The following MIER3 variants were observed in gnomAD, a reference collection of about 807,000 sequenced individuals.
MIER3 encodes mesoderm induction early response protein 3.
MIER3 carries 9 observed loss-of-function variants against 63.2 expected under a neutral mutation model. That is an observed-to-expected ratio of 0.14 (90% CI 0.09 to 0.25). MIER3 has a LOEUF of 0.25. Among genes scored for constraint, MIER3 ranks in the 10% least tolerant of loss-of-function variants. The probability of loss-of-function intolerance (pLI) is 1.00; values close to 1 mark genes in which losing one functional copy is unlikely to be tolerated. For synonymous variants in MIER3, 205 were observed against 224.9 expected (o/e 0.91, Z 0.79); for missense variants, 512 against 666.2 (o/e 0.77, Z 2.55).
intron 1 of MIER3, among the ~76,000 whole-genome samples, chr5:56,951,526 C>T (rs1266739632): frequency 6.6e-6 from 1 of 152,164 alleles, no homozygotes; most frequent in African/African-American, 2.4e-5. Context: ...TGGGGAGTCC[C>T]GCTCTTCTGA....
At chr5:56,929,003 A>T in intron 9 of MIER3, 142 bp from the exon 10 acceptor site, 1 of 554,786 alleles carries the variant, frequency 1.8e-6, no homozygotes, top group Non-Finnish European at 3.2e-6. Flanking sequence ...ACACACACAC[A>T]CACTCTCTCT....
At chr5:56,934,231 G>T (rs1051798228) in intron 7 of MIER3, among the ~76,000 whole-genome samples, 3 of 151,924 alleles carry the variant, frequency 2.0e-5, no homozygotes, top group African/African-American at 4.8e-5. Context: ...CATGATAAGG[G>T]CATTATCATC....
intron 2 of MIER3, among the ~76,000 whole-genome samples, chr5:56,950,072 C>T (rs1327518837): frequency 1.3e-5 from 2 of 152,172 alleles, no homozygotes; most frequent in Non-Finnish European, 2.9e-5. Context: ...GACCTAAGAT[C>T]GTCTCAGCTC....
Position 56,923,111 on chromosome 5 carries a change from C to T in MIER3, c.*17G>A, listed in dbSNP as rs200243272. On this transcript the variant is annotated 3_prime_UTR_variant, in exon 13 of 13. Transcript: ENST00000381199. ...TTTACTGGTGCTGCACACGCAGTTC[C>T]GGGATCCTCACTCAGGTCACTCAGA... is the stretch of plus-strand genomic sequence containing the variant. 2.2e-4 allele frequency: 361 copies of T among 1,607,082 alleles called. 2 individuals are homozygous for T. In the South Asian group the frequency reaches 2.9e-3, roughly 13 times the overall value.
intron 1 of MIER3, 86 bp downstream of exon 1, chr5:56,952,008 G>A: frequency 2.7e-6 from 3 of 1,125,542 alleles, no homozygotes; most frequent in African/African-American, 1.7e-5. Flanking sequence ...AAAGAGCCCC[G>A]GATCCCCCAG....
chr5:56,928,878 A>C lies in MIER3; in HGVS notation c.830-17T>G. On this transcript the variant is annotated splice_polypyrimidine_tract_variant and intron_variant, in intron 9 of 12. Coordinates refer to ENST00000381199, the MANE Select transcript of MIER3 (RefSeq NM_001297599.2). The stretch of plus-strand genomic sequence containing the variant: ...TCATTCCTTCTAAGAAAAATTTTAA[A>C]ATAAAATTTATGGGCCCCCAAATTT... 1.9e-6 allele frequency: 3 copies of C among 1,597,530 alleles called. No homozygotes were observed. The highest frequency in any genetic ancestry group is 2.6e-6 in the Non-Finnish European group (3 of 1,169,270).
Position 56,933,234 on chromosome 5 carries a change from A to G in MIER3, c.747+13T>C. 1 of 1,573,558 alleles carries G rather than the reference A, an allele frequency of 6.4e-7. No individual in the cohort carries two copies. The highest frequency in any genetic ancestry group is 2.3e-5 in the East Asian group (1 of 43,054). ...GTAAACTGGCTGCTGTTTCAACAGA[A>G]GCTGAAGTATACCTGTTCATTGTCC... is the stretch of plus-strand genomic sequence containing the variant. On this transcript the variant is annotated intron_variant, in intron 8 of 12. Transcript: ENST00000381199.
chr5:56,923,000 T>C lies in MIER3; in HGVS notation c.*128A>G. 2.9e-6 allele frequency: 2 copies of C among 688,564 alleles called. No individual in the cohort carries two copies. The highest frequency in any genetic ancestry group is 2.4e-6 in the Non-Finnish European group (1 of 410,234). 42.7% of individuals were successfully genotyped at this position (688,564 alleles called of 1,614,324 possible). ...CTCTTGATAAATCAAGATATAGTTC[T>C]ATACATACTGACATCACTGATGTCA... On this transcript the variant is annotated 3_prime_UTR_variant, in exon 13 of 13. Transcript: ENST00000381199.
rs1220853349 is a variant in MIER3, at chr5:56,951,491, C to A, written c.9+603G>T. On this transcript the variant is annotated intron_variant, in intron 1 of 12. Transcript: ENST00000381199. ...TCGGTCTGCCCTTTAACCCCAGGGGCTCCCGCACCTCCCGGGCTGCGGGGT... is the reference window on the plus strand; with the variant it reads ...TCGGTCTGCCCTTTAACCCCAGGGGATCCCGCACCTCCCGGGCTGCGGGGT... 3.9e-5 allele frequency among the ~76,000 whole-genome samples: 6 copies of A among 152,314 alleles called. No homozygotes were observed. In the East Asian group the frequency reaches 1.2e-3, roughly 30 times the overall value.
At chr5:56,937,336 C>G (rs1299870427) in intron 5 of MIER3, among the ~76,000 whole-genome samples, 1 of 152,186 alleles carries the variant, frequency 6.6e-6, no homozygotes. Context: ...CTCGGCCTCC[C>G]AAAGTGCTGG....
Position 56,920,484 on chromosome 5 carries a change from A to G in MIER3, c.*2644T>C, listed in dbSNP as rs1303499060. Reference sequence around the variant, plus strand: ...CAAAAAGAATTTATCACAGTTTGTTATAAGAATTGTGCTTAACACTTGATA... The same window carrying G: ...CAAAAAGAATTTATCACAGTTTGTTGTAAGAATTGTGCTTAACACTTGATA... On this transcript the variant is annotated 3_prime_UTR_variant, in exon 13 of 13. Transcript: ENST00000381199. The G allele has an allele frequency of 6.6e-6, 1 of 152,602 alleles. No individual in the cohort carries two copies. The highest frequency in any genetic ancestry group is 2.4e-5 in the African/African-American group (1 of 41,476). 9.5% of individuals were successfully genotyped at this position (152,602 alleles called of 1,614,324 possible).
At chr5:56,944,916 C>CA (rs1311051160) in intron 3 of MIER3, among the ~76,000 whole-genome samples, 2 of 135,100 alleles carry the variant, frequency 1.5e-5, no homozygotes, top group Non-Finnish European at 3.1e-5. Flanking sequence ...AGGCTGGTCT[C>CA]AGACTCCTGG....
intron 2 of MIER3, 22 bp from the exon 3 acceptor site, chr5:56,947,093 C>A (rs771076549): frequency 1.3e-6 from 2 of 1,591,590 alleles, no homozygotes; most frequent in Non-Finnish European, 1.7e-6. Context: ...CAAACTGAAT[C>A]ACTTTACACA....
chr5:56,935,788 A>G (rs1441771855), intron 5 of MIER3, 37 bp from the exon 6 acceptor site: 24 of 1,503,152 alleles, frequency 1.6e-5, no homozygotes, highest in Non-Finnish European at 2.0e-5. Context: ...TTTACTGCCT[A>G]TTTTTGCAGA....
Position 56,920,312 on chromosome 5 carries a change from A to C in MIER3, c.*2816T>G, listed in dbSNP as rs916748634. ...GTACAACTAACAAATGTATTGCTAT[A>C]ATCACAGCACCAGTTACACTTCTAA... On this transcript the variant is annotated 3_prime_UTR_variant, in exon 13 of 13. Transcript: ENST00000381199. 1.3e-5 allele frequency: 2 copies of C among 152,602 alleles called. No individual in the cohort carries two copies. Among genetic ancestry groups the C allele is most frequent in the Admixed American group, 6.5e-5 (1 of 15,274 alleles). 9.5% of individuals were successfully genotyped at this position (152,602 alleles called of 1,614,324 possible).
chr5:56,952,138 C>T (rs1349274113), upstream of MIER3: 4 of 1,231,820 alleles, frequency 3.2e-6, no homozygotes, highest in Non-Finnish European at 3.1e-6. Flanking sequence ...AGCGCCGAGC[C>T]CAGTCCCCGG....
chr5:56,952,204 A>C, upstream of MIER3: 1 of 1,010,702 alleles, frequency 9.9e-7, no homozygotes. Flanking sequence ...TCCGCCCGGC[A>C]CCCGCCCGGC....
In MIER3 at chr5:56,923,895, G is replaced by A. The variant is rs937329536; in HGVS notation, c.1052+20C>T. 18 of 1,613,886 alleles carry A rather than the reference G, an allele frequency of 1.1e-5. No individual in the cohort carries two copies. The highest frequency in any genetic ancestry group is 1.4e-5 in the Non-Finnish European group (17 of 1,179,974). ...TTACAGTTAAAAGTAAGTCTTTGAA[G>A]GCAAGGCCACAGTACTTACGTAACT... On this transcript the variant is annotated intron_variant, in intron 11 of 12. Transcript: ENST00000381199.
chr5:56,923,708 G>T lies in MIER3; in HGVS notation c.1178C>A (p.Thr393Asn), dbSNP rs1243844088. The T allele has an allele frequency of 6.2e-7, 1 of 1,614,128 alleles. No homozygotes were observed. Among genetic ancestry groups the T allele is most frequent in the African/African-American group, 1.3e-5 (1 of 74,954 alleles). The change falls in exon 12 of 13, where the codon ACT becomes AAT. Residue 393 changes from threonine to asparagine, a missense_variant. This residue lies in a region of MIER3 where 218 missense variants were observed against 251.2 expected (regional missense o/e 0.87). Transcript: ENST00000381199. Reference protein sequence around the residue: ...DQQLNILNSFTASDLTALTNS... With the variant: ...DQQLNILNSFNASDLTALTNS... The stretch of plus-strand genomic sequence containing the variant: ...CATTTTACCTGTCAAGTCACTGGCA[G>T]TGAAGGAGTTGAGAATGTTTAGCTG...
Sources: gnomAD v4.1 joint callset for allele counts (sites outside exome capture counted in the v4.1 genomes callset) on GRCh38, gnomAD v4.1.1 for gene constraint, gnomAD v4.1.1 regional missense constraint, MANE v1.5 for transcripts, NCBI Gene and HGNC (gene_info 2026-07-23, HGNC 2026-07-21) for gene names.